The following AHI1 variants were observed in gnomAD, a reference collection of about 807,000 sequenced individuals.
AHI1 encodes the protein jouberin.
AHI1 carries 123 observed loss-of-function variants against 149.3 expected under a neutral mutation model. The ratio of observed to expected loss-of-function variants is 0.82; its 90% CI spans 0.71 to 0.96. The LOEUF (loss-of-function observed/expected upper bound fraction) is 0.96. Among genes scored for constraint, AHI1 ranks in the 40% least tolerant of loss-of-function variants. The probability of loss-of-function intolerance (pLI) is 0.00; values close to 1 mark genes in which losing one functional copy is unlikely to be tolerated. For missense variants in AHI1, 1,439 were observed against 1,422.7 expected (o/e 1.01, Z -0.18); for synonymous variants, 475 against 459.8 (o/e 1.03, Z -0.42).
intron 8 of AHI1, among the ~76,000 whole-genome samples, chr6:135,462,749 A>G (rs2128091862): frequency 6.6e-6 from 1 of 152,198 alleles, no homozygotes; most frequent in Non-Finnish European, 1.5e-5. Context: ...AACAATACAA[A>G]AATTAGCCGG....
intron 7 of AHI1, among the ~76,000 whole-genome samples, chr6:135,464,717 A>T (rs572300600): frequency 2.9e-4 from 44 of 152,326 alleles, no homozygotes; most frequent in South Asian, 1.4e-3. Context: ...GCCCAAAGCC[A>T]GTCAGGACCT....
chr6:135,465,933 C>T lies in AHI1; in HGVS notation c.630G>A (p.Lys210=). 6.2e-7 allele frequency: 1 copy of T among 1,606,408 alleles called. No individual in the cohort carries two copies. ...MAKEIKRKIR[K]KLKEQLTYFP... ...AGTAAGTCAACTGTTCTTTCAGTTT[C>T]TTTCTTATTTTCCTCTTAATCTCCT... is the stretch of plus-strand genomic sequence containing the variant. The change falls in exon 7 of 29, where the codon AAG becomes AAA. Residue 210 remains lysine, a synonymous_variant. Coordinates refer to ENST00000265602, the MANE Select transcript of AHI1 (RefSeq NM_001134831.2).
intron 12 of AHI1, 63 bp downstream of exon 12, chr6:135,448,227 T>G: frequency 8.5e-7 from 1 of 1,181,150 alleles, no homozygotes; most frequent in Non-Finnish European, 1.1e-6. Flanking sequence ...ATGAAAAACA[T>G]GCTATGTCAC....
intron 21 of AHI1, among the ~76,000 whole-genome samples, chr6:135,408,555 A>G (rs1394734873): frequency 6.6e-6 from 1 of 152,144 alleles, no homozygotes; most frequent in East Asian, 1.9e-4. Flanking sequence ...CTAAACCCAG[A>G]GATGGAATGT....
Position 135,394,816 on chromosome 6 carries a change from G to T in AHI1, c.3069C>A (p.Thr1023=), listed in dbSNP as rs758400382. ...CAAACTGATGTAGAATCTCTTGAGCGGTCAGCATGTTTGACTGCTTTAACT... is the reference window on the plus strand; with the variant it reads ...CAAACTGATGTAGAATCTCTTGAGCTGTCAGCATGTTTGACTGCTTTAACT... ...QSKLKQSNML[T]AQEILHQFGF... The change falls in exon 23 of 29, where the codon ACC becomes ACA. Residue 1023 remains threonine (T), a synonymous_variant. Coordinates refer to ENST00000265602, the MANE Select transcript of AHI1 (RefSeq NM_001134831.2). 1 of 1,609,094 alleles carries T rather than the reference G, an allele frequency of 6.2e-7. No individual in the cohort carries two copies.
intron 15 of AHI1, among the ~76,000 whole-genome samples, chr6:135,436,845 G>GC (rs1785479761): frequency 6.6e-6 from 1 of 152,098 alleles, no homozygotes; most frequent in South Asian, 2.1e-4. Context: ...CCAGTGATCT[G>GC]CCCACCTCGG....
chr6:135,491,108 C>G (rs1795191969), intron 4 of AHI1, among the ~76,000 whole-genome samples: 1 of 152,122 alleles, frequency 6.6e-6, no homozygotes. Context: ...TCACAATTAT[C>G]TTATGCCAAA....
At chr6:135,291,808 G>A (rs1782389065) in intron 27 of AHI1, among the ~76,000 whole-genome samples, 1 of 152,148 alleles carries the variant, frequency 6.6e-6, no homozygotes, top group African/African-American at 2.4e-5. Context: ...AGCACTGATA[G>A]CACACAATCT....
Position 135,463,227 on chromosome 6 carries a change from G to T in AHI1, c.829C>A (p.His277Asn). 1 of 1,609,996 alleles carries T rather than the reference G, an allele frequency of 6.2e-7. No individual in the cohort carries two copies. Residue 277 changes from histidine to asparagine, a missense_variant, in exon 8 of 29, where the codon CAT becomes AAT. Coordinates refer to ENST00000265602, the MANE Select transcript of AHI1 (RefSeq NM_001134831.2). ...ATTGAGCTTATTTCATCATCTTGATGAGAATCTGAAGAAACTGATCTAACT... is the reference window on the plus strand; with the variant it reads ...ATTGAGCTTATTTCATCATCTTGATTAGAATCTGAAGAAACTGATCTAACT... ...SSVRSVSSDS[H>N]QDDEISSMEQ...
intron 26 of AHI1, chr6:135,301,994 C>T (rs547639776): frequency 2.0e-6 from 2 of 983,942 alleles, no homozygotes; most frequent in East Asian, 1.1e-4. Flanking sequence ...ATGTTTTATT[C>T]TTTTCTTTTT....
At chr6:135,366,471 A>G (rs1468001183) in intron 23 of AHI1, among the ~76,000 whole-genome samples, 1 of 152,048 alleles carries the variant, frequency 6.6e-6, no homozygotes, top group East Asian at 1.9e-4. Flanking sequence ...TGTGCTTGTT[A>G]TTGGTCTGTT....
chr6:135,451,776 A>G (rs567724633), intron 11 of AHI1, among the ~76,000 whole-genome samples: 1 of 152,356 alleles, frequency 6.6e-6, no homozygotes, highest in African/African-American at 2.4e-5. Context: ...TCTTAGCATA[A>G]AAGAAATGCA....
At chr6:135,415,045 T>C (rs934824800) in intron 20 of AHI1, among the ~76,000 whole-genome samples, 3 of 146,154 alleles carry the variant, frequency 2.1e-5, no homozygotes, top group Admixed American at 7.0e-5. Flanking sequence ...TTCCCATCTA[T>C]GAGTGAGAAC....
chr6:135,364,064 G>C (rs1420501626), intron 23 of AHI1, among the ~76,000 whole-genome samples: 2 of 146,420 alleles, frequency 1.4e-5, no homozygotes, highest in African/African-American at 5.1e-5. Flanking sequence ...CTGGCCGGGC[G>C]GGGGGCTGAC....
At position 135,380,055 on chromosome 6, in the gene AHI1, CTTCT is replaced by C. The variant is rs553011468; in HGVS notation, c.3109+14717_3109+14720del. On this transcript the variant is annotated intron_variant, in intron 23 of 28. Coordinates refer to ENST00000265602, the MANE Select transcript of AHI1 (RefSeq NM_001134831.2). ...TCCTCCCTCCCTCCCTCTCTTTCTT[CTTCT>C]TTGTCGTCATCTGAATTTTGCTTAA... Among the ~76,000 whole-genome samples, 1,208 of 145,112 alleles carry C rather than the reference CTTCT, an allele frequency of 8.3e-3. 11 individuals are homozygous for C. Among genetic ancestry groups the C allele is most frequent in the Non-Finnish European group, 0.015 (969 of 66,568 alleles).
chr6:135,490,871 A>G lies in AHI1; in HGVS notation c.11-124T>C. 16 of 1,145,776 alleles carry G rather than the reference A, an allele frequency of 1.4e-5. No individual in the cohort carries two copies. The South Asian group carries it at 2.7e-4, about 20-fold the overall frequency. 71.0% of individuals were successfully genotyped at this position (1,145,776 alleles called of 1,614,324 possible). On this transcript the variant is annotated intron_variant, in intron 4 of 28. Coordinates refer to ENST00000265602, the MANE Select transcript of AHI1 (RefSeq NM_001134831.2). ...CATGAGTTCTCTAGCTACATTAGAA[A>G]AACTCACCTATCTTTCCTTCTTAAA... is the stretch of plus-strand genomic sequence containing the variant.
chr6:135,363,505 C>A (rs909112468), intron 23 of AHI1, among the ~76,000 whole-genome samples: 4 of 150,412 alleles, frequency 2.7e-5, no homozygotes, highest in African/African-American at 7.3e-5. Flanking sequence ...ACCTTTCCCC[C>A]CTTTCTATTC....
intron 28 of AHI1, among the ~76,000 whole-genome samples, chr6:135,289,440 AG>A (rs1233331254): frequency 6.6e-6 from 1 of 152,062 alleles, no homozygotes; most frequent in Non-Finnish European, 1.5e-5. Context: ...GACTGCAGTG[AG>A]CTGAGATTGC....
At chr6:135,452,917 T>C (rs1347142449) in intron 11 of AHI1, among the ~76,000 whole-genome samples, 1 of 152,158 alleles carries the variant, frequency 6.6e-6, no homozygotes, top group Non-Finnish European at 1.5e-5. Context: ...TATACCTCTT[T>C]ACGATATTTA....
Sources: gnomAD v4.1 joint callset for allele counts (sites outside exome capture counted in the v4.1 genomes callset) on GRCh38, gnomAD v4.1.1 for gene constraint, MANE v1.5 for transcripts, NCBI Gene and HGNC (gene_info 2026-07-23, HGNC 2026-07-21) for gene names.